The following GRIP1 variants were observed in gnomAD, a reference collection of about 807,000 sequenced individuals.
The protein encoded by GRIP1 is glutamate receptor-interacting protein 1.
In GRIP1, 45 loss-of-function variants were observed where a neutral mutation model predicts 129.9. The ratio of observed to expected loss-of-function variants is 0.35; its 90% CI spans 0.27 to 0.44. The LOEUF is 0.44. GRIP1 is among the 20% of genes least tolerant of loss of function. The pLI is 1.00. For missense variants in GRIP1, 1,196 were observed against 1,396.8 expected (o/e 0.86, Z 2.29); for synonymous variants, 530 against 520.8 (o/e 1.02, Z -0.24).
chr12:66,598,592 G>C (rs145044029), intron 1 of GRIP1, among the ~76,000 whole-genome samples: 2 of 152,292 alleles, frequency 1.3e-5, no homozygotes, highest in South Asian at 4.1e-4. Context: ...TTGAATATTT[G>C]AGCGCTTTTC....
chr12:66,652,663 C>T (rs754658202), intron 1 of GRIP1, among the ~76,000 whole-genome samples: 5 of 152,196 alleles, frequency 3.3e-5, no homozygotes, highest in Admixed American at 6.5e-5. Context: ...TAGAGGTAGA[C>T]GCTCTGCACA....
intron 1 of GRIP1, among the ~76,000 whole-genome samples, chr12:66,731,311 T>C (rs188694563): frequency 6.0e-4 from 91 of 152,318 alleles, no homozygotes; most frequent in African/African-American, 2.1e-3. Flanking sequence ...TTATAACACA[T>C]TGGGCTGAGA....
chr12:67,030,083 C>T (rs904573834), intron 1 of GRIP1, among the ~76,000 whole-genome samples: 2 of 149,604 alleles, frequency 1.3e-5, no homozygotes, highest in African/African-American at 2.5e-5. Context: ...TGGTGGCAGG[C>T]GCCTGTAGTC....
intron 19 of GRIP1, among the ~76,000 whole-genome samples, chr12:66,386,708 A>G (rs966118891): frequency 3.9e-5 from 6 of 152,246 alleles, no homozygotes; most frequent in Admixed American, 6.5e-5. Flanking sequence ...TCTTGCCATT[A>G]CTTTCATTCT....
chr12:66,747,843 A>C (rs929868655), intron 1 of GRIP1, among the ~76,000 whole-genome samples: 2 of 152,234 alleles, frequency 1.3e-5, no homozygotes, highest in Non-Finnish European at 2.9e-5. Context: ...TCCAAAGGGA[A>C]TAAAAGATGA....
chr12:66,376,359 C>T (rs1005598592), intron 22 of GRIP1, among the ~76,000 whole-genome samples: 3 of 152,142 alleles, frequency 2.0e-5, no homozygotes, highest in African/African-American at 7.2e-5. Context: ...CCTCATAAGA[C>T]ATCAAAATAA....
chr12:66,855,845 A>C (rs2039993411), intron 1 of GRIP1, among the ~76,000 whole-genome samples: 1 of 152,092 alleles, frequency 6.6e-6, no homozygotes, highest in South Asian at 2.1e-4. Context: ...TGTTCCTATA[A>C]GTTTGTGAAA....
At chr12:66,792,406 T>C (rs1476707101) in intron 1 of GRIP1, among the ~76,000 whole-genome samples, 2 of 152,108 alleles carry the variant, frequency 1.3e-5, no homozygotes, top group Admixed American at 6.6e-5. Flanking sequence ...TATGACTGGC[T>C]AATTTTAAAA....
chr12:66,792,003 A>T (rs1441606177), intron 1 of GRIP1, among the ~76,000 whole-genome samples: 1 of 152,152 alleles, frequency 6.6e-6, no homozygotes, highest in African/African-American at 2.4e-5. Context: ...GGGCCTGGAA[A>T]GTTTAACATT....
intron 1 of GRIP1, among the ~76,000 whole-genome samples, chr12:66,817,455 G>A (rs1413668199): frequency 6.6e-6 from 1 of 152,020 alleles, no homozygotes; most frequent in Non-Finnish European, 1.5e-5. Context: ...TGTCACCCAG[G>A]CTGGAGTGCA....
chr12:66,737,424 C>T (rs1396103040), intron 1 of GRIP1, among the ~76,000 whole-genome samples: 1 of 152,174 alleles, frequency 6.6e-6, no homozygotes, highest in Admixed American at 6.5e-5. Flanking sequence ...GCTGGAATTA[C>T]AGGCGTGTGC....
chr12:66,599,145 C>G (rs2064174942), intron 1 of GRIP1, among the ~76,000 whole-genome samples: 1 of 152,114 alleles, frequency 6.6e-6, no homozygotes, highest in East Asian at 1.9e-4. Context: ...CCATCACCAC[C>G]CCCAACCTCC....
chr12:66,711,731 A>G (rs1250906130), intron 1 of GRIP1, among the ~76,000 whole-genome samples: 1 of 151,856 alleles, frequency 6.6e-6, no homozygotes, highest in African/African-American at 2.4e-5. Context: ...CTACCTACCA[A>G]CAATATTCTT....
intron 14 of GRIP1, among the ~76,000 whole-genome samples, chr12:66,421,697 G>A (rs866833071): frequency 3.5e-5 from 5 of 144,384 alleles, no homozygotes; most frequent in African/African-American, 7.7e-5. Flanking sequence ...TTTGTTGCTA[G>A]TTAACTAAAT....
Position 66,565,109 on chromosome 12 carries a change from CA to C in GRIP1, c.137-23160del, listed in dbSNP as rs768311189. ...TCTGATGGTAGTTTCTTTTGCTGTG[CA>C]GAAGCTCTTTAGTTTAATTAGATCC... On this transcript the variant is annotated intron_variant, in intron 2 of 24. Coordinates refer to ENST00000359742, the MANE Select transcript of GRIP1 (RefSeq NM_001366722.1). Among the ~76,000 whole-genome samples the C allele has an allele frequency of 1.6e-4, 24 of 152,296 alleles. No individual in the cohort carries two copies. The South Asian group carries it at 2.9e-3, about 18-fold the overall frequency.
In GRIP1 at chr12:66,442,804, G is replaced by T. The variant is rs1218383854; in HGVS notation, c.1687+1780C>A. Among the ~76,000 whole-genome samples, 7 of 152,160 alleles carry T rather than the reference G, an allele frequency of 4.6e-5. No individual in the cohort carries two copies. In the South Asian group the frequency reaches 1.5e-3, roughly 32 times the overall value. ...TCCCGCCTTGGCCTCCAAAGTGCTG[G>T]GGTTATAGGTGTAAGCCACCACACT... is the stretch of plus-strand genomic sequence containing the variant. On this transcript the variant is annotated intron_variant, in intron 13 of 24. Coordinates refer to ENST00000359742, the MANE Select transcript of GRIP1 (RefSeq NM_001366722.1).
At chr12:66,754,746 T>C (rs1029056659) in intron 1 of GRIP1, among the ~76,000 whole-genome samples, 1 of 152,154 alleles carries the variant, frequency 6.6e-6, no homozygotes, top group Non-Finnish European at 1.5e-5. Flanking sequence ...CATTTTCATG[T>C]AGGAGAAATG....
At chr12:66,892,247 C>A (rs984049917) in intron 1 of GRIP1, among the ~76,000 whole-genome samples, 12 of 152,246 alleles carry the variant, frequency 7.9e-5, no homozygotes, top group African/African-American at 2.9e-4. Flanking sequence ...AATTCCATCA[C>A]CAATTCCACC....
chr12:66,527,077 G>A (rs1270117706), intron 5 of GRIP1, among the ~76,000 whole-genome samples: 2 of 146,160 alleles, frequency 1.4e-5, no homozygotes, highest in African/African-American at 5.2e-5. Context: ...CACTGTTGGT[G>A]GGACTGTAAA....
Sources: gnomAD v4.1 joint callset for allele counts (sites outside exome capture counted in the v4.1 genomes callset) on GRCh38, gnomAD v4.1.1 for gene constraint, MANE v1.5 for transcripts, NCBI Gene and HGNC (gene_info 2026-07-23, HGNC 2026-07-21) for gene names.